ISM1: variants seen among roughly 807,000 people sequenced by gnomAD.
ISM1 encodes isthmin-1.
ISM1 carries 25 observed loss-of-function variants against 46.3 expected under a neutral mutation model. The observed-to-expected ratio is 0.54, with a 90% CI of 0.39 to 0.75. ISM1 has a LOEUF of 0.75. ISM1 is among the 30% of genes least tolerant of loss of function. The probability of loss-of-function intolerance (pLI) is 0.00; values close to 1 mark genes in which losing one functional copy is unlikely to be tolerated. For synonymous variants in ISM1, 255 were observed against 256.7 expected (o/e 0.99, Z 0.06); for missense variants, 536 against 625.4 (o/e 0.86, Z 1.52).
At chr20:13,286,303 C>A in intron 3 of ISM1, among the ~76,000 whole-genome samples, 1 of 151,566 alleles carries the variant, frequency 6.6e-6, no homozygotes, top group East Asian at 2.0e-4. Context: ...GACTGAGAGA[C>A]ACCAGACTGC....
chr20:13,305,199 TAAAAAA>T (rs5840562), downstream of ISM1, among the ~76,000 whole-genome samples: 1 of 137,490 alleles, frequency 7.3e-6, no homozygotes. Context: ...GTTGAGTTGT[TAAAAAA>T]AAAAAAAAAA....
chr20:13,305,929 A>G, the ISM1 span, among the ~76,000 whole-genome samples: 2 of 152,350 alleles, frequency 1.3e-5, no homozygotes, highest in Non-Finnish European at 1.5e-5. Flanking sequence ...ATCCTCAACC[A>G]TTTTAGTGGC....
chr20:13,270,445 G>A, intron 1 of ISM1, 59 bp from the exon 2 acceptor site: 1 of 1,545,892 alleles, frequency 6.5e-7, no homozygotes, highest in Non-Finnish European at 8.7e-7. Flanking sequence ...GACTGTTAAG[G>A]GTGACATTTT....
intron 1 of ISM1, among the ~76,000 whole-genome samples, chr20:13,230,877 G>A (rs974651766): frequency 3.3e-5 from 5 of 152,038 alleles, no homozygotes. Flanking sequence ...TTCTTTCTGT[G>A]GCTTATCAGT....
intron 1 of ISM1, among the ~76,000 whole-genome samples, chr20:13,241,983 T>C (rs1389861052): frequency 6.6e-6 from 1 of 152,056 alleles, no homozygotes; most frequent in Non-Finnish European, 1.5e-5. Flanking sequence ...AGAACACTTG[T>C]TGAAGAAGGA....
At chr20:13,310,278 T>C in the ISM1 span, among the ~76,000 whole-genome samples, 2 of 152,196 alleles carry the variant, frequency 1.3e-5, no homozygotes, top group Admixed American at 6.5e-5. Flanking sequence ...TCTACAAATT[T>C]GTGGTCAACT....
At chr20:13,292,292 G>A in intron 4 of ISM1, 82 bp from the exon 5 acceptor site, 3 of 832,162 alleles carry the variant, frequency 3.6e-6, no homozygotes, top group South Asian at 3.1e-5. Flanking sequence ...TTGTTCAGGT[G>A]TATTTATTTT....
the ISM1 span, among the ~76,000 whole-genome samples, chr20:13,323,556 C>A: frequency 6.6e-6 from 1 of 152,186 alleles, no homozygotes; most frequent in Non-Finnish European, 1.5e-5. Flanking sequence ...TATGAAACTA[C>A]GTTTTCTTGG....
At chr20:13,301,733 C>T (rs74462043), downstream of ISM1, among the ~76,000 whole-genome samples, 761 of 152,078 alleles carry the variant, frequency 5.0e-3, 5 homozygotes, top group Non-Finnish European at 4.9e-3. Context: ...CAATGGAATG[C>T]ATTGCCTTTG....
the ISM1 span, among the ~76,000 whole-genome samples, chr20:13,308,817 C>G: frequency 6.6e-6 from 1 of 152,120 alleles, no homozygotes; most frequent in Admixed American, 6.6e-5. Flanking sequence ...GTTATTAGGT[C>G]ATGAGGGTGG....
chr20:13,272,231 C>T (rs1362783038), intron 2 of ISM1, among the ~76,000 whole-genome samples: 4 of 152,320 alleles, frequency 2.6e-5, no homozygotes, highest in East Asian at 1.9e-4. Flanking sequence ...AACTGCCTCT[C>T]TCTCCACAGA....
intron 3 of ISM1, among the ~76,000 whole-genome samples, chr20:13,283,021 C>A (rs2040254237): frequency 6.6e-6 from 1 of 152,102 alleles, no homozygotes; most frequent in Non-Finnish European, 1.5e-5. Flanking sequence ...GAGAATTCCC[C>A]TTTTCTTTCT....
chr20:13,232,801 A>G (rs1335228590), intron 1 of ISM1, among the ~76,000 whole-genome samples: 1 of 152,228 alleles, frequency 6.6e-6, no homozygotes, highest in Non-Finnish European at 1.5e-5. Flanking sequence ...GAATCCCAGG[A>G]TGATATTTTT....
chr20:13,287,720 G>T (rs555084044), intron 3 of ISM1, among the ~76,000 whole-genome samples: 3 of 152,240 alleles, frequency 2.0e-5, no homozygotes, highest in East Asian at 3.9e-4. Context: ...ATACAAAAAG[G>T]GTTCAATAGG....
chr20:13,307,576 T>C, the ISM1 span, among the ~76,000 whole-genome samples: 1 of 152,326 alleles, frequency 6.6e-6, no homozygotes, highest in African/African-American at 2.4e-5. Flanking sequence ...AGCACTCCCA[T>C]GCCCCCGTCC....
intron 1 of ISM1, chr20:13,239,015 AGT>A (rs1184398224): frequency 6.6e-6 from 1 of 152,240 alleles, no homozygotes; most frequent in Non-Finnish European, 1.5e-5. Context: ...CCTTACTGAG[AGT>A]GTGAAGTGTG....
intron 1 of ISM1, among the ~76,000 whole-genome samples, chr20:13,246,324 C>A (rs1266468166): frequency 1.3e-5 from 2 of 151,742 alleles, no homozygotes; most frequent in Admixed American, 6.6e-5. Flanking sequence ...AATGGGCCCA[C>A]TTCTGAACCC....
At chr20:13,316,140 G>A in the ISM1 span, among the ~76,000 whole-genome samples, 4 of 151,712 alleles carry the variant, frequency 2.6e-5, no homozygotes, top group Admixed American at 1.3e-4. Flanking sequence ...GACATTAAAA[G>A]GATAATAAAG....
At chr20:13,229,838 C>G (rs1189876238) in intron 1 of ISM1, among the ~76,000 whole-genome samples, 1 of 152,164 alleles carries the variant, frequency 6.6e-6, no homozygotes, top group African/African-American at 2.4e-5. Context: ...AAATCCCTCT[C>G]TCTCTTCTGT....
Sources: allele counts gnomAD v4.1 joint callset (sites outside exome capture counted in the v4.1 genomes callset), GRCh38; gene constraint gnomAD v4.1.1; transcripts MANE v1.5; gene names NCBI Gene and HGNC (gene_info 2026-07-23, HGNC 2026-07-21).